GRHL2: variants seen among roughly 807,000 people sequenced by gnomAD.
The protein encoded by GRHL2 is grainyhead-like protein 2 homolog.
GRHL2 carries 21 observed loss-of-function variants against 83.8 expected under a neutral mutation model. The observed-to-expected ratio is 0.25, with a 90% confidence interval of 0.18 to 0.36. The LOEUF (loss-of-function observed/expected upper bound fraction) is 0.36. GRHL2 is among the 10% of genes least tolerant of loss of function. The pLI, the probability that GRHL2 is intolerant of heterozygous loss-of-function variation, is 1.00. For missense variants in GRHL2, 623 were observed against 781.8 expected (o/e 0.80, Z 2.42); for synonymous variants, 280 against 278.9 (o/e 1.00, Z -0.04).
chr8:101,605,727 C>G (rs1812620071), intron 8 of GRHL2, among the ~76,000 whole-genome samples: 3 of 152,202 alleles, frequency 2.0e-5, no homozygotes, highest in African/African-American at 7.2e-5. Context: ...AGTGAAAACT[C>G]CTTGCACTCT....
intron 1 of GRHL2, chr8:101,529,497 A>G (rs1810877029): frequency 5.3e-6 from 1 of 187,400 alleles, no homozygotes; most frequent in Non-Finnish European, 1.1e-5. Context: ...TGGTCTCCAA[A>G]CCACAAGGAA....
Position 101,664,466 on chromosome 8 carries a change from T to A in GRHL2, c.1711T>A (p.Tyr571Asn), listed in dbSNP as rs775833439. ...KGLMEAISEKYGLPVEKIAKL... is the reference protein window; with the variant it reads ...KGLMEAISEKNGLPVEKIAKL... ...ATTGGTATTACAGATATCTGAGAAA[T>A]ATGGGCTGCCCGTGGAGAAGATAGC... The change falls in exon 15 of 16, where the codon TAT becomes AAT. Residue 571 changes from tyrosine to asparagine, a missense_variant. Physicochemically the swap from Tyr to Asn is moderately radical, Grantham distance 143. Around this residue, in one of 8 missense-constraint regions of GRHL2, gnomAD observed 210 missense variants for 254.8 expected, o/e 0.82. Coordinates refer to ENST00000646743, the MANE Select transcript of GRHL2 (RefSeq NM_024915.4). 2 of 1,613,574 alleles carry A rather than the reference T, an allele frequency of 1.2e-6. No individual in the cohort carries two copies. The highest frequency in any genetic ancestry group is 1.7e-6 in the Non-Finnish European group (2 of 1,179,582).
intron 1 of GRHL2, among the ~76,000 whole-genome samples, chr8:101,509,592 A>G (rs1372112086): frequency 6.6e-6 from 1 of 152,122 alleles, no homozygotes; most frequent in Admixed American, 6.6e-5. Flanking sequence ...TTTGTGAATT[A>G]TTGAGGCTAT....
chr8:101,519,519 G>A (rs990453303), intron 1 of GRHL2, among the ~76,000 whole-genome samples: 27 of 150,340 alleles, frequency 1.8e-4, no homozygotes, highest in Admixed American at 7.3e-4. Flanking sequence ...CTGCCTCACC[G>A]CAGAGAAGCT....
At chr8:101,587,978 T>C (rs1812202353) in intron 7 of GRHL2, among the ~76,000 whole-genome samples, 1 of 152,206 alleles carries the variant, frequency 6.6e-6, no homozygotes, top group South Asian at 2.1e-4. Flanking sequence ...TTTTCAAAAT[T>C]AAATTAAACT....
At chr8:101,563,994 G>C (rs539471474) in intron 4 of GRHL2, among the ~76,000 whole-genome samples, 1 of 152,290 alleles carries the variant, frequency 6.6e-6, no homozygotes, top group South Asian at 2.1e-4. Context: ...CTATTTGGGG[G>C]ATGTGTTATC....
intron 1 of GRHL2, among the ~76,000 whole-genome samples, chr8:101,509,126 C>T (rs1215421315): frequency 5.3e-4 from 33 of 61,828 alleles, no homozygotes; most frequent in African/African-American, 1.3e-3. Context: ...TCCTTCCTTC[C>T]TTCCTTCCTT....
intron 4 of GRHL2, 76 bp from the exon 5 acceptor site, chr8:101,570,263 T>G: frequency 9.0e-7 from 1 of 1,108,114 alleles, no homozygotes; most frequent in Non-Finnish European, 1.4e-6. Flanking sequence ...TAAAATAGTT[T>G]GGATACATTT....
intron 13 of GRHL2, among the ~76,000 whole-genome samples, chr8:101,648,392 G>C (rs1378818787): frequency 6.6e-6 from 1 of 152,106 alleles, no homozygotes; most frequent in African/African-American, 2.4e-5. Context: ...GAAATAAATA[G>C]AAAAGCTGTA....
chr8:101,497,464 G>A (rs1810131258), intron 1 of GRHL2, among the ~76,000 whole-genome samples: 1 of 152,250 alleles, frequency 6.6e-6, no homozygotes, highest in Non-Finnish European at 1.5e-5. Context: ...TTTCAATGAA[G>A]TAAACTGACA....
At chr8:101,504,718 G>A (rs906405532) in intron 1 of GRHL2, among the ~76,000 whole-genome samples, 4 of 151,890 alleles carry the variant, frequency 2.6e-5, no homozygotes, top group Admixed American at 2.0e-4. Flanking sequence ...GGGCCACACA[G>A]TGACTCATCT....
chr8:101,503,548 G>A (rs1451973427), intron 1 of GRHL2, among the ~76,000 whole-genome samples: 5 of 152,186 alleles, frequency 3.3e-5, no homozygotes, highest in Admixed American at 3.3e-4. Flanking sequence ...AGGCAGTTTG[G>A]CAAAACTGGT....
intron 7 of GRHL2, among the ~76,000 whole-genome samples, chr8:101,591,141 T>A (rs569993163): frequency 1.3e-5 from 2 of 151,950 alleles, no homozygotes; most frequent in African/African-American, 4.8e-5. Flanking sequence ...AGATAAAAAA[T>A]AAAAAAATAA....
At chr8:101,624,755 C>G (rs1040806336) in intron 9 of GRHL2, among the ~76,000 whole-genome samples, 1 of 152,096 alleles carries the variant, frequency 6.6e-6, no homozygotes, top group East Asian at 1.9e-4. Context: ...TTTCCAGAGG[C>G]CTGTTAACTC....
At chr8:101,652,565 T>TGTGTGTGTGTGTGATGGTGTGTGTGTG (rs1813689480) in intron 14 of GRHL2, among the ~76,000 whole-genome samples, 1 of 100,546 alleles carries the variant, frequency 9.9e-6, no homozygotes, top group African/African-American at 4.5e-5. Flanking sequence ...TGTGTGGTGG[T>TGTGTGTGTGTGTGATGGTGTGTGTGTG]GTGTGTGTGG....
intron 12 of GRHL2, among the ~76,000 whole-genome samples, chr8:101,638,567 C>T (rs10101116): frequency 0.12 from 17,537 of 152,178 alleles, 2,170 homozygotes; most frequent in African/African-American, 0.32. Flanking sequence ...TAAATATTTA[C>T]TGCCTGCCCC....
chr8:101,649,013 A>G (rs1448203110), intron 13 of GRHL2, among the ~76,000 whole-genome samples: 2 of 152,146 alleles, frequency 1.3e-5, no homozygotes, highest in Non-Finnish European at 2.9e-5. Flanking sequence ...TTTAACTAAC[A>G]CTGCCACAAC....
chr8:101,574,122 T>C (rs929195342), intron 6 of GRHL2, among the ~76,000 whole-genome samples: 13 of 152,184 alleles, frequency 8.5e-5, no homozygotes, highest in African/African-American at 1.2e-4. Flanking sequence ...TTTCAATCAA[T>C]TGATCTTAAT....
chr8:101,493,354 C>A (rs2129939822), intron 1 of GRHL2, among the ~76,000 whole-genome samples: 1 of 152,212 alleles, frequency 6.6e-6, no homozygotes, highest in East Asian at 1.9e-4. Flanking sequence ...CGATGGGAGG[C>A]GAGGCGCTGG....
Sources: gnomAD v4.1 joint callset for allele counts (sites outside exome capture counted in the v4.1 genomes callset) on GRCh38, gnomAD v4.1.1 for gene constraint, gnomAD v4.1.1 regional missense constraint, MANE v1.5 for transcripts, NCBI Gene and HGNC (gene_info 2026-07-23, HGNC 2026-07-21) for gene names.